The following MX2 variants were observed in gnomAD, a reference collection of about 807,000 sequenced individuals.
MX2 encodes MX dynamin like GTPase 2, also known as interferon-induced GTP-binding protein Mx2.
A neutral mutation model predicts 74.0 loss-of-function variants in MX2; 51 were observed. That is an observed-to-expected ratio of 0.69 (90% CI 0.55 to 0.87). The LOEUF (loss-of-function observed/expected upper bound fraction) is 0.87, where lower values mean the gene tolerates loss of function less well. Among genes scored for constraint, MX2 ranks in the 40% least tolerant of loss-of-function variants. MX2 has a pLI of 0.00. For synonymous variants in MX2, 369 were observed against 339.3 expected (o/e 1.09, Z -0.96); for missense variants, 832 against 908.7 (o/e 0.92, Z 1.09).
intron 5 of MX2, among the ~76,000 whole-genome samples, chr21:41,383,056 A>G (rs1310813983): frequency 6.6e-6 from 1 of 152,186 alleles, no homozygotes; most frequent in African/African-American, 2.4e-5. Flanking sequence ...CTCTGCCAAC[A>G]ACCTACCCAT....
chr21:41,384,927 A>G (rs1035474646), intron 5 of MX2, among the ~76,000 whole-genome samples: 1 of 152,004 alleles, frequency 6.6e-6, no homozygotes, highest in Non-Finnish European at 1.5e-5. Flanking sequence ...TGCTTAAATC[A>G]TTACAAAGGG....
chr21:41,379,881 C>T (rs2089464171), intron 3 of MX2, 136 bp from the exon 4 acceptor site: 7 of 1,119,164 alleles, frequency 6.3e-6, no homozygotes, highest in Non-Finnish European at 9.0e-6. Context: ...ACCCCCTCAC[C>T]TACTACCAGG....
chr21:41,390,809 T>A (rs924534585), intron 6 of MX2, 106 bp downstream of exon 6: 52 of 1,242,026 alleles, frequency 4.2e-5, no homozygotes, highest in Non-Finnish European at 5.7e-5. Context: ...ATTGAGAACA[T>A]CCTGGCTAAT....
At chr21:41,390,286 A>G in intron 5 of MX2, 1 of 408,082 alleles carries the variant, frequency 2.5e-6, no homozygotes, top group Non-Finnish European at 4.6e-6. Flanking sequence ...TGAGATCTAG[A>G]GGGGAGGGAG....
intron 1 of MX2, among the ~76,000 whole-genome samples, chr21:41,375,510 C>T (rs2089389127): frequency 6.6e-6 from 1 of 152,222 alleles, no homozygotes; most frequent in African/African-American, 2.4e-5. Context: ...GCTCTCCTCC[C>T]AGCTCCTGGT....
chr21:41,406,736 C>A lies in MX2; in HGVS notation c.1651-8C>A, dbSNP rs201410530. On this transcript the variant is annotated splice_region_variant and splice_polypyrimidine_tract_variant and intron_variant, in intron 12 of 13. Transcript: ENST00000330714. ...GAAGTAATGTGTTTGTCTTTTTTAT[C>A]TAACCAGAGCACGATTGAAGACATA... 7.5e-6 allele frequency: 12 copies of A among 1,606,046 alleles called. No homozygotes were observed. The highest frequency in any genetic ancestry group is 3.4e-5 in the Admixed American group (2 of 58,478).
Position 41,390,545 on chromosome 21 carries a change from G to A in MX2, c.733-20G>A. 1 of 1,613,814 alleles carries A rather than the reference G, an allele frequency of 6.2e-7. No homozygotes were observed. Among genetic ancestry groups the A allele is most frequent in the Non-Finnish European group, 8.5e-7 (1 of 1,179,776 alleles). On this transcript the variant is annotated intron_variant, in intron 5 of 13. Transcript: ENST00000330714. ...GAAGTGAGACGTGTGCTCTTTCTTT[G>A]TGCGATTCTTTGGCATCAGATCAAG... is the stretch of plus-strand genomic sequence containing the variant.
At position 41,379,591 on chromosome 21, in the gene MX2, G is replaced by A. The variant is rs2089460384; in HGVS notation, c.443-426G>A. ...CATCCCCCACCCCCCACACTAACCA[G>A]GGCTGCCCACCGGGACAATTACAGG... On this transcript the variant is annotated intron_variant, in intron 3 of 13. Coordinates refer to ENST00000330714, the MANE Select transcript of MX2 (RefSeq NM_002463.2). 2.6e-5 allele frequency among the ~76,000 whole-genome samples: 4 copies of A among 151,986 alleles called. No individual in the cohort carries two copies. The South Asian group carries it at 8.3e-4, about 32-fold the overall frequency.
chr21:41,394,948 G>C (rs545947187), intron 6 of MX2, among the ~76,000 whole-genome samples: 30 of 151,126 alleles, frequency 2.0e-4, no homozygotes, highest in African/African-American at 6.4e-4. Flanking sequence ...AAGAGAGAGA[G>C]AGAGAGAGAG....
chr21:41,381,639 C>T (rs925096343), intron 4 of MX2, among the ~76,000 whole-genome samples: 8 of 141,518 alleles, frequency 5.7e-5, no homozygotes, highest in African/African-American at 1.9e-4. Context: ...GAGCCGAGAT[C>T]GTGCCACTGC....
chr21:41,405,375 T>A (rs1444724328), intron 12 of MX2, among the ~76,000 whole-genome samples: 83 of 152,156 alleles, frequency 5.5e-4, no homozygotes, highest in Non-Finnish European at 7.3e-5. Flanking sequence ...AAAAATTTGT[T>A]TCTCATGGTT....
chr21:41,401,431 T>A (rs1260935922), intron 10 of MX2: 2 of 152,456 alleles, frequency 1.3e-5, no homozygotes, highest in African/African-American at 4.8e-5. Flanking sequence ...TGTTTAGTTT[T>A]GTTTTTGTTT....
intron 1 of MX2, among the ~76,000 whole-genome samples, chr21:41,369,993 T>C (rs1420938540): frequency 6.6e-6 from 1 of 152,148 alleles, no homozygotes; most frequent in Non-Finnish European, 1.5e-5. Context: ...AAAGCCAGTG[T>C]TTGCATGTGG....
At chr21:41,397,088 G>A (rs2089746145) in intron 7 of MX2, among the ~76,000 whole-genome samples, 1 of 152,196 alleles carries the variant, frequency 6.6e-6, no homozygotes, top group African/African-American at 2.4e-5. Flanking sequence ...GAATAATCCT[G>A]TGTGCTTCAT....
At chr21:41,377,229 C>G in intron 2 of MX2, 74 bp downstream of exon 2, 1 of 1,575,310 alleles carries the variant, frequency 6.3e-7, no homozygotes. Context: ...TGTAAGCCCA[C>G]CACAATAATA....
chr21:41,392,866 G>A (rs1003046122), intron 6 of MX2, among the ~76,000 whole-genome samples: 3 of 151,886 alleles, frequency 2.0e-5, no homozygotes, highest in Non-Finnish European at 4.4e-5. Context: ...GCACTTTGGG[G>A]GGCCAAGGCG....
At position 41,388,166 on chromosome 21, in the gene MX2, T is replaced by C. The variant is rs954505490; in HGVS notation, c.733-2399T>C. Among the ~76,000 whole-genome samples the C allele has an allele frequency of 5.3e-5, 8 of 152,224 alleles. No individual in the cohort carries two copies. The highest frequency in any genetic ancestry group is 4.1e-4 in the South Asian group (2 of 4,838). On this transcript the variant is annotated intron_variant, in intron 5 of 13. Coordinates refer to ENST00000330714, the MANE Select transcript of MX2 (RefSeq NM_002463.2). This position sits in a 1 kb window ranked among gnomAD's most constrained non-coding sequence, Gnocchi z 4.0. ...TGTTTCCCACACAGCTCTTGTGTTTTAAGGCACAAGTCAGATGCTATCATC... is the reference window on the plus strand; with the variant it reads ...TGTTTCCCACACAGCTCTTGTGTTTCAAGGCACAAGTCAGATGCTATCATC...
intron 6 of MX2, among the ~76,000 whole-genome samples, 157 bp downstream of exon 6, chr21:41,390,860 G>A (rs1045105977): frequency 1.3e-5 from 2 of 152,204 alleles, no homozygotes; most frequent in Non-Finnish European, 2.9e-5. Flanking sequence ...AAAAAAATTA[G>A]TCGGGCATGG....
At chr21:41,401,917 C>T (rs989231965) in intron 10 of MX2, 53 bp from the exon 11 acceptor site, 18 of 1,570,086 alleles carry the variant, frequency 1.1e-5, no homozygotes, top group Non-Finnish European at 1.5e-5. Context: ...GCTAGCTTTA[C>T]GACGTCTGCA....
Sources: allele counts gnomAD v4.1 joint callset (sites outside exome capture counted in the v4.1 genomes callset), GRCh38; gene constraint gnomAD v4.1.1; non-coding constraint Gnocchi (gnomAD v3.1); transcripts MANE v1.5; gene names NCBI Gene and HGNC (gene_info 2026-07-23, HGNC 2026-07-21).